MECR: variants seen among roughly 807,000 people sequenced by gnomAD.
MECR encodes the protein enoyl-[acyl-carrier-protein] reductase, mitochondrial.
MECR carries 37 observed loss-of-function variants against 49.1 expected under a neutral mutation model. That is an observed-to-expected ratio of 0.75 (90% CI 0.58 to 0.99). The LOEUF (loss-of-function observed/expected upper bound fraction) is 0.99, where lower values mean the gene tolerates loss of function less well. Among genes scored for constraint, MECR ranks in the 50% least tolerant of loss-of-function variants. MECR has a pLI of 0.00. For missense variants in MECR, 470 were observed against 479.6 expected, an observed-to-expected ratio of 0.98 and a Z score of 0.19; for synonymous variants, 198 against 191.1, an observed-to-expected ratio of 1.04 and a Z score of -0.30.
chr1:29,168,115 A>G, the MECR span, among the ~76,000 whole-genome samples: 2 of 151,886 alleles, frequency 1.3e-5, no homozygotes, highest in South Asian at 4.2e-4. Flanking sequence ...CCTGGGCTCA[A>G]GCAATTCTTG....
At chr1:29,200,454 T>C in intron 7 of MECR, 62 bp downstream of exon 7, 3 of 1,498,568 alleles carry the variant, frequency 2.0e-6, no homozygotes, top group Non-Finnish European at 2.8e-6. Context: ...CACTTGATGG[T>C]CCTCCCAGCT....
intron 7 of MECR, among the ~76,000 whole-genome samples, chr1:29,196,642 C>T (rs1219232781): frequency 2.6e-5 from 4 of 151,644 alleles, no homozygotes; most frequent in East Asian, 2.0e-4. Flanking sequence ...GAGCCCTGAT[C>T]GCACTACTGC....
the MECR span, chr1:29,182,119 T>G: frequency 1.6e-5 from 3 of 184,624 alleles, no homozygotes; most frequent in Non-Finnish European, 3.3e-5. Flanking sequence ...CGCAGCCAGC[T>G]GGCTTCGCCC....
the MECR span, among the ~76,000 whole-genome samples, chr1:29,187,501 T>C: frequency 2.0e-5 from 3 of 151,724 alleles, no homozygotes; most frequent in Non-Finnish European, 4.4e-5. Flanking sequence ...TGAGCCACCA[T>C]GCCTGGCCGC....
downstream of MECR, among the ~76,000 whole-genome samples, chr1:29,190,688 C>T (rs1227383648): frequency 6.6e-6 from 1 of 151,534 alleles, no homozygotes; most frequent in East Asian, 1.9e-4. Flanking sequence ...ACTCGGGAGG[C>T]TGAGGCAGGA....
chr1:29,191,850 T>C (rs901230852), downstream of MECR, among the ~76,000 whole-genome samples: 3 of 152,122 alleles, frequency 2.0e-5, no homozygotes, highest in South Asian at 6.2e-4. Flanking sequence ...ACCCAGCACT[T>C]TGGGAGGCCG....
At chr1:29,230,454 CAATT>C (rs1574560010) in intron 1 of MECR, 2 of 440,206 alleles carry the variant, frequency 4.5e-6, no homozygotes, top group East Asian at 9.3e-5. Context: ...ATTGTTGTGA[CAATT>C]AAATGAGAGC....
chr1:29,170,611 G>A, the MECR span: 1 of 152,014 alleles, frequency 6.6e-6, no homozygotes, highest in Non-Finnish European at 1.5e-5. Context: ...TTAATTAGTG[G>A]ATGCCACTAA....
At chr1:29,200,486 G>A (rs1361878389) in intron 7 of MECR, 30 bp downstream of exon 7, 3 of 1,603,016 alleles carry the variant, frequency 1.9e-6, no homozygotes, top group East Asian at 2.2e-5. Context: ...GAGCTCTGGC[G>A]AGCTGGACCT....
At chr1:29,173,032 C>CTTAAAA in the MECR span, 5 of 151,194 alleles carry the variant, frequency 3.3e-5, no homozygotes, top group East Asian at 9.7e-4. Flanking sequence ...CCTCACCCAT[C>CTTAAAA]TTAAAAGGAT....
chr1:29,174,023 T>C, the MECR span, among the ~76,000 whole-genome samples: 1 of 151,540 alleles, frequency 6.6e-6, no homozygotes, highest in South Asian at 2.1e-4. Context: ...ACTGTGTCTC[T>C]ACTAAAAATA....
the MECR span, chr1:29,173,219 G>C: frequency 7.5e-6 from 1 of 132,978 alleles, no homozygotes; most frequent in African/African-American, 2.9e-5. Context: ...CTCACTGCAA[G>C]CTCAGCCTCC....
chr1:29,175,043 C>T, the MECR span, among the ~76,000 whole-genome samples: 2 of 150,598 alleles, frequency 1.3e-5, no homozygotes, highest in Non-Finnish European at 3.0e-5. Context: ...CATGCCCATA[C>T]CTGTATGTGA....
At chr1:29,219,747 T>A (rs1680307388) in intron 1 of MECR, among the ~76,000 whole-genome samples, 1 of 152,238 alleles carries the variant, frequency 6.6e-6, no homozygotes, top group Non-Finnish European at 1.5e-5. Context: ...CATGAATGTT[T>A]CTGCAGCAAA....
At chr1:29,223,917 G>C (rs1310578740) in intron 1 of MECR, 1 of 152,168 alleles carries the variant, frequency 6.6e-6, no homozygotes, top group Non-Finnish European at 1.5e-5. Flanking sequence ...CAGGTGGTTT[G>C]GTGTGCTGGA....
At chr1:29,211,989 A>G (rs896625775) in intron 3 of MECR, among the ~76,000 whole-genome samples, 4 of 152,340 alleles carry the variant, frequency 2.6e-5, no homozygotes, top group Admixed American at 6.5e-5. Flanking sequence ...AAGAAAGACC[A>G]TGTCTGTTCA....
At position 29,195,962 on chromosome 1, in the gene MECR, A is replaced by G. The variant is rs749494474; in HGVS notation, c.943T>C (p.Trp315Arg). 2 of 1,614,192 alleles carry G rather than the reference A, an allele frequency of 1.2e-6. No homozygotes were observed. Among genetic ancestry groups the G allele is most frequent in the South Asian group, 2.2e-5 (2 of 91,088 alleles). ...TCACCTGGACTGTGATCCTTCTTCCACTGGGACAACCAAAAGCCTCGAAGT... is the reference window on the plus strand; with the variant it reads ...TCACCTGGACTGTGATCCTTCTTCCGCTGGGACAACCAAAAGCCTCGAAGT... ...LKLRGFWLSQ[W>R]KKDHSPDQFK... The change falls in exon 9 of 10, where the codon TGG (tryptophan) becomes CGG (arginine). Residue 315 changes from tryptophan to arginine, a missense_variant. Trp to Arg is a moderately radical substitution (Grantham distance 101). Transcript: ENST00000263702.
chr1:29,218,610 C>T (rs1365710442), intron 1 of MECR, among the ~76,000 whole-genome samples: 1 of 152,116 alleles, frequency 6.6e-6, no homozygotes. Context: ...CGGTGGCTCA[C>T]GCCTGTAATC....
intron 3 of MECR, among the ~76,000 whole-genome samples, chr1:29,207,954 A>G (rs962882502): frequency 6.6e-5 from 10 of 151,918 alleles, no homozygotes; most frequent in African/African-American, 2.4e-4. Flanking sequence ...CCTTTTTCCT[A>G]CACAGTCCTC....
Sources: gnomAD v4.1 joint callset for allele counts (sites outside exome capture counted in the v4.1 genomes callset) on GRCh38, gnomAD v4.1.1 for gene constraint, MANE v1.5 for transcripts, NCBI Gene and HGNC (gene_info 2026-07-23, HGNC 2026-07-21) for gene names.